Variants in TBPL1 observed in about 807,000 individuals in gnomAD.
The protein encoded by TBPL1 is TATA box-binding protein-like 1.
A neutral mutation model predicts 22.1 loss-of-function variants in TBPL1; 4 were observed. That is an observed-to-expected ratio of 0.18 (90% confidence interval 0.09 to 0.41). TBPL1 has a LOEUF of 0.41. Among genes scored for constraint, TBPL1 ranks in the 10% least tolerant of loss-of-function variants. TBPL1 has a pLI of 1.00. For synonymous variants in TBPL1, 64 were observed against 71.0 expected (o/e 0.90, Z 0.50); for missense variants, 115 against 222.3 (o/e 0.52, Z 3.07).
chr6:133,982,844 A>G lies in TBPL1; in HGVS notation c.246A>G (p.Arg82=). ...TSEEEAKFGA[R]RLARSLQKLG... ...AAGAAGAAGCTAAATTTGGTGCCAG[A>G]CGCTTAGCCCGTAGTCTGCAGAAAC... The change falls in exon 4 of 7, where the codon AGA becomes AGG. Residue 82 remains arginine, a synonymous_variant. Transcript: ENST00000237264. 1.2e-6 allele frequency: 2 copies of G among 1,611,610 alleles called. No homozygotes were observed. The highest frequency in any genetic ancestry group is 1.3e-5 in the African/African-American group (1 of 74,874).
intron 1 of TBPL1, among the ~76,000 whole-genome samples, chr6:133,971,065 C>T (rs1776211927): frequency 6.6e-6 from 1 of 152,150 alleles, no homozygotes; most frequent in Admixed American, 6.5e-5. Context: ...AATTTTAAAT[C>T]AATTGACCAA....
chr6:133,970,399 T>C (rs1386858035), intron 1 of TBPL1, among the ~76,000 whole-genome samples: 1 of 152,206 alleles, frequency 6.6e-6, no homozygotes, highest in Non-Finnish European at 1.5e-5. Context: ...TGGACATTCT[T>C]ATCTAACCTA....
chr6:133,973,954 A>G (rs1776267726), intron 1 of TBPL1, among the ~76,000 whole-genome samples: 1 of 150,932 alleles, frequency 6.6e-6, no homozygotes, highest in Non-Finnish European at 1.5e-5. Context: ...TATTAAACCT[A>G]ACATATATAT....
At chr6:133,960,307 G>T (rs72982264) in intron 1 of TBPL1, among the ~76,000 whole-genome samples, 1,664 of 152,234 alleles carry the variant, frequency 0.011, 14 homozygotes, top group Non-Finnish European at 0.018. Flanking sequence ...TTGTACTGAG[G>T]GGGGAGGCCC....
chr6:133,979,142 C>T (rs892061435), intron 1 of TBPL1, among the ~76,000 whole-genome samples: 56 of 152,156 alleles, frequency 3.7e-4, no homozygotes, highest in Non-Finnish European at 1.6e-4. Flanking sequence ...TAGAGCTCCT[C>T]CTGTACACCC....
chr6:133,979,813 A>C (rs1351065824), intron 1 of TBPL1, among the ~76,000 whole-genome samples: 4 of 151,808 alleles, frequency 2.6e-5, no homozygotes, highest in Non-Finnish European at 4.4e-5. Flanking sequence ...TGCCCGGCTA[A>C]TTTTTGTATT....
At position 133,982,802 on chromosome 6, in the gene TBPL1, T is replaced by C; in HGVS notation, c.219-15T>C. 6.2e-7 allele frequency: 1 copy of C among 1,606,750 alleles called. No individual in the cohort carries two copies. The highest frequency in any genetic ancestry group is 8.5e-7 in the Non-Finnish European group (1 of 1,178,076). ...CTGTGTAACTGATAATCTTTTTCTT[T>C]CCTTAAAACCGTAGTGAAGAAGAAG... On this transcript the variant is annotated splice_polypyrimidine_tract_variant and intron_variant, in intron 3 of 6. Coordinates refer to ENST00000237264, the MANE Select transcript of TBPL1 (RefSeq NM_004865.4).
intron 1 of TBPL1, among the ~76,000 whole-genome samples, chr6:133,965,036 A>C (rs1483783585): frequency 6.6e-6 from 1 of 152,194 alleles, no homozygotes; most frequent in African/African-American, 2.4e-5. Flanking sequence ...GAGAGGCTTG[A>C]TCTTGATGCA....
intron 1 of TBPL1, among the ~76,000 whole-genome samples, chr6:133,972,582 C>G (rs148746463): frequency 6.6e-6 from 1 of 152,300 alleles, no homozygotes; most frequent in East Asian, 1.9e-4. Flanking sequence ...TATGGAAACA[C>G]ACGGGCATGG....
At chr6:133,982,999 C>G (rs1379452507) in intron 4 of TBPL1, 119 bp downstream of exon 4, 1 of 985,154 alleles carries the variant, frequency 1.0e-6, no homozygotes, top group Non-Finnish European at 1.4e-6. Context: ...TAAACTTTTT[C>G]TAGGTTTTTT....
chr6:133,962,524 G>T (rs1046108403), intron 1 of TBPL1, among the ~76,000 whole-genome samples: 2 of 152,238 alleles, frequency 1.3e-5, no homozygotes, highest in African/African-American at 2.4e-5. Context: ...TCCATTCACA[G>T]AATTACAAGG....
In TBPL1 at chr6:133,987,642, G is replaced by GTA. The variant is rs1486152408; in HGVS notation, c.*603_*604insAT. ...GTGTATTTTGTGTGTGTGTGTGTGT[G>GTA]TGTGTGTATATATATATATATATAT... On this transcript the variant is annotated 3_prime_UTR_variant, in exon 7 of 7. Coordinates refer to ENST00000237264, the MANE Select transcript of TBPL1 (RefSeq NM_004865.4). The GTA allele has an allele frequency of 7.7e-6, 1 of 130,442 alleles. No homozygotes were observed. Among genetic ancestry groups the GTA allele is most frequent in the African/African-American group, 3.1e-5 (1 of 32,276 alleles). 8.1% of individuals were successfully genotyped at this position (130,442 alleles called of 1,614,324 possible).
intron 1 of TBPL1, among the ~76,000 whole-genome samples, chr6:133,956,867 A>G (rs1417299578): frequency 1.3e-5 from 2 of 152,208 alleles, no homozygotes; most frequent in African/African-American, 4.8e-5. Flanking sequence ...CATGACTACC[A>G]CTTTGGGAAA....
intron 6 of TBPL1, among the ~76,000 whole-genome samples, chr6:133,986,286 G>A (rs994829758): frequency 2.0e-5 from 3 of 152,302 alleles, no homozygotes; most frequent in East Asian, 1.9e-4. Context: ...AAAATTTTAT[G>A]AGAATAGTTT....
intron 1 of TBPL1, among the ~76,000 whole-genome samples, chr6:133,966,736 C>T (rs1350441497): frequency 6.6e-6 from 1 of 152,048 alleles, no homozygotes; most frequent in African/African-American, 2.4e-5. Context: ...TCCCTTTTTT[C>T]CATCCCCATA....
At chr6:133,977,371 C>G (rs568321450) in intron 1 of TBPL1, among the ~76,000 whole-genome samples, 1 of 152,064 alleles carries the variant, frequency 6.6e-6, no homozygotes, top group Non-Finnish European at 1.5e-5. Flanking sequence ...GAAAAATCAC[C>G]AATTTTGAAT....
intron 1 of TBPL1, among the ~76,000 whole-genome samples, chr6:133,959,566 C>A (rs948366952): frequency 6.6e-6 from 1 of 152,154 alleles, no homozygotes; most frequent in Non-Finnish European, 1.5e-5. Context: ...ACTGCAACCT[C>A]CATCTTCTGG....
rs978855859 is a variant in TBPL1, at chr6:133,990,244, A to G, written c.*3204A>G. On this transcript the variant is annotated 3_prime_UTR_variant, in exon 7 of 7. Coordinates refer to ENST00000237264, the MANE Select transcript of TBPL1 (RefSeq NM_004865.4). ...GTAGTGATATTCCTGAGGAGTGTGA[A>G]GAATTGGACACTGTGGATTACTATA... 1.3e-5 allele frequency: 2 copies of G among 152,628 alleles called. No homozygotes were observed. The highest frequency in any genetic ancestry group is 4.8e-5 in the African/African-American group (2 of 41,470). The allele number at this position is 152,628 out of a possible 1,614,324, so 9.5% of individuals were successfully genotyped here. A position where few individuals can be genotyped will look rare whatever the true frequency, so the allele number is the denominator to read the frequency against.
upstream of TBPL1, chr6:133,952,379 G>T: frequency 6.5e-6 from 1 of 152,812 alleles, no homozygotes; most frequent in Non-Finnish European, 1.5e-5. The surrounding 1 kb of genome is among the most constrained non-coding windows in gnomAD (Gnocchi z 4.5). Flanking sequence ...CTGAGTCCTC[G>T]CCAGCATCCG....
Sources: gnomAD v4.1 joint callset for allele counts (sites outside exome capture counted in the v4.1 genomes callset) on GRCh38, gnomAD v4.1.1 for gene constraint, Gnocchi (gnomAD v3.1) non-coding constraint, MANE v1.5 for transcripts, NCBI Gene and HGNC (gene_info 2026-07-23, HGNC 2026-07-21) for gene names.